The following TRIM67 variants were observed in gnomAD, a reference collection of about 807,000 sequenced individuals.
The protein encoded by TRIM67 is tripartite motif-containing protein 67.
TRIM67 carries 39 observed loss-of-function variants against 71.0 expected under a neutral mutation model. That is an observed-to-expected ratio of 0.55 (90% confidence interval 0.43 to 0.72). TRIM67 has a LOEUF of 0.72. TRIM67 is among the 30% of genes least tolerant of loss of function. The probability of loss-of-function intolerance (pLI) is 0.00; values close to 1 mark genes in which losing one functional copy is unlikely to be tolerated. For missense variants in TRIM67, 973 were observed against 1,079.2 expected (o/e 0.90, Z 1.38); for synonymous variants, 481 against 473.9 (o/e 1.01, Z -0.19).
At chr1:231,173,869 A>G (rs930304729) in intron 1 of TRIM67, among the ~76,000 whole-genome samples, 10 of 152,154 alleles carry the variant, frequency 6.6e-5, no homozygotes, top group Admixed American at 5.9e-4. Context: ...GGCCATAAAT[A>G]TGGGGACTTG....
chr1:231,197,711 G>C (rs576934689), intron 2 of TRIM67, among the ~76,000 whole-genome samples: 13 of 152,318 alleles, frequency 8.5e-5, no homozygotes, highest in Admixed American at 2.0e-4. Context: ...TGTAATCCCA[G>C]CTACTCTGGA....
chr1:231,194,614 C>G (rs1466075501), intron 1 of TRIM67, among the ~76,000 whole-genome samples: 3 of 152,302 alleles, frequency 2.0e-5, no homozygotes, highest in African/African-American at 7.2e-5. Flanking sequence ...TCATTGGCTA[C>G]AGATGACAAC....
chr1:231,193,056 T>C lies in TRIM67; in HGVS notation c.1045-4315T>C, dbSNP rs1319093816. ...GCTGGGACAGAGCCGTCCTGGCCCC[T>C]GGTACTGGGCAGATGGTGCGTGACC... On this transcript the variant is annotated intron_variant, in intron 1 of 9. Coordinates refer to ENST00000366653, the MANE Select transcript of TRIM67 (RefSeq NM_001004342.5). 5.9e-5 allele frequency among the ~76,000 whole-genome samples: 9 copies of C among 152,278 alleles called. No homozygotes were observed. The South Asian group carries it at 1.0e-3, about 18-fold the overall frequency.
intron 7 of TRIM67, among the ~76,000 whole-genome samples, chr1:231,208,016 T>A (rs889170406): frequency 6.9e-6 from 1 of 144,592 alleles, no homozygotes; most frequent in Admixed American, 6.8e-5. Flanking sequence ...GTACTTTTTT[T>A]TTTTTTTTTT....
intron 2 of TRIM67, 62 bp downstream of exon 2, chr1:231,197,528 G>T: frequency 6.6e-7 from 1 of 1,508,430 alleles, no homozygotes; most frequent in Non-Finnish European, 9.2e-7. Flanking sequence ...GTTGTGCATC[G>T]TATTAAGAAG....
intron 1 of TRIM67, among the ~76,000 whole-genome samples, chr1:231,194,250 T>C (rs1558300571): frequency 6.6e-6 from 1 of 152,178 alleles, no homozygotes; most frequent in Non-Finnish European, 1.5e-5. Context: ...CTGTCCCTGA[T>C]AAACTTCAAC....
In TRIM67 at chr1:231,164,016, G is replaced by A; in HGVS notation, c.1044+3G>A. On this transcript the variant is annotated splice_donor_region_variant and intron_variant, in intron 1 of 9. Coordinates refer to ENST00000366653, the MANE Select transcript of TRIM67 (RefSeq NM_001004342.5). ...GGGCCATGTGGAAGCAGCACAAGGT[G>A]AGCCCGCGGGACGCGGGAGTGCAGG... The A allele has an allele frequency of 6.6e-7, 1 of 1,510,216 alleles. No homozygotes were observed. The highest frequency in any genetic ancestry group is 8.9e-7 in the Non-Finnish European group (1 of 1,121,998). 93.6% of individuals were successfully genotyped at this position (1,510,216 alleles called of 1,614,324 possible). A position where few individuals can be genotyped will look rare whatever the true frequency, so the allele number is the denominator to read the frequency against.
Position 231,208,987 on chromosome 1 carries a change from C to T in TRIM67, c.1860C>T (p.Asp620=). 2 of 1,606,118 alleles carry T rather than the reference C, an allele frequency of 1.2e-6. No individual in the cohort carries two copies. Among genetic ancestry groups the T allele is most frequent in the Non-Finnish European group, 1.7e-6 (2 of 1,174,038 alleles). The change falls in exon 8 of 10, where the codon GAC becomes GAT. Residue 620 remains aspartate (D), a synonymous_variant. Coordinates refer to ENST00000366653, the MANE Select transcript of TRIM67 (RefSeq NM_001004342.5). Reference sequence around the variant, plus strand: ...TTGACCCCAACTCTGGGCATCGGGACATCATTTTATCCAATGACAACCAGA... The same window carrying T: ...TTGACCCCAACTCTGGGCATCGGGATATCATTTTATCCAATGACAACCAGA... ...FTFDPNSGHR[D]IILSNDNQTA...
chr1:231,168,132 T>G (rs1014087004), intron 1 of TRIM67, among the ~76,000 whole-genome samples: 1 of 152,036 alleles, frequency 6.6e-6, no homozygotes, highest in African/African-American at 2.4e-5. Flanking sequence ...GCCTGGCTAA[T>G]TTTAAAATTT....
At position 231,193,523 on chromosome 1, in the gene TRIM67, T is replaced by TCTCTCTCTCC. The variant is rs1553325697; in HGVS notation, c.1045-3839_1045-3838insCCTCTCTCTC. Reference sequence around the variant, plus strand: ...CTCAAGCTCTCTCTCTCTCTCTCTCTCTCTCTCTCTCTCTCTCTCTCTCTC... The same window carrying TCTCTCTCTCC: ...CTCAAGCTCTCTCTCTCTCTCTCTCTCTCTCTCTCCCTCTCTCTCTCTCTCTCTCTCTCTC... On this transcript the variant is annotated intron_variant, in intron 1 of 9. Coordinates refer to ENST00000366653, the MANE Select transcript of TRIM67 (RefSeq NM_001004342.5). Among the ~76,000 whole-genome samples the TCTCTCTCTCC allele has an allele frequency of 3.4e-4, 51 of 150,656 alleles. 1 individual carries two copies. In the East Asian group the frequency reaches 9.9e-3, roughly 29 times the overall value.
At chr1:231,196,060 A>C (rs1202031344) in intron 1 of TRIM67, among the ~76,000 whole-genome samples, 2 of 152,150 alleles carry the variant, frequency 1.3e-5, no homozygotes, top group Non-Finnish European at 2.9e-5. Flanking sequence ...CTTGTCCTTC[A>C]TTCTAGGACA....
At chr1:231,172,732 C>A (rs1460645442) in intron 1 of TRIM67, among the ~76,000 whole-genome samples, 3 of 152,208 alleles carry the variant, frequency 2.0e-5, no homozygotes, top group Admixed American at 6.5e-5. Context: ...GAAATTTAGA[C>A]ACATACTTGT....
intron 1 of TRIM67, among the ~76,000 whole-genome samples, chr1:231,181,268 G>A (rs1682899117): frequency 6.6e-6 from 1 of 152,186 alleles, no homozygotes; most frequent in Non-Finnish European, 1.5e-5. Flanking sequence ...CTGGCCAGGA[G>A]AAGTCTTAAG....
chr1:231,219,444 T>A lies in TRIM67; in HGVS notation c.*4004T>A. The A allele has an allele frequency of 9.6e-7, 1 of 1,042,016 alleles. No individual in the cohort carries two copies. The highest frequency in any genetic ancestry group is 3.4e-5 in the South Asian group (1 of 29,414). The allele number at this position is 1,042,016 out of a possible 1,614,324, so 64.5% of individuals were successfully genotyped here. On this transcript the variant is annotated 3_prime_UTR_variant, in exon 10 of 10. Transcript: ENST00000366653. ...CTTTGTTCCATAGAAAGCCTGTATG[T>A]GACAAAGCTGCCAGCCTTTATCTTG...
chr1:231,217,658 A>G lies in TRIM67; in HGVS notation c.*2218A>G. ...CTAGGCAGGGCTGCCTGGTGACAGC[A>G]GCTTCTCACAGGGGAGCCCTGGGGA... is the stretch of plus-strand genomic sequence containing the variant. On this transcript the variant is annotated 3_prime_UTR_variant, in exon 10 of 10. Coordinates refer to ENST00000366653, the MANE Select transcript of TRIM67 (RefSeq NM_001004342.5). 8.6e-7 allele frequency: 1 copy of G among 1,162,094 alleles called. No homozygotes were observed. The highest frequency in any genetic ancestry group is 1.1e-6 in the Non-Finnish European group (1 of 926,074). 72.0% of individuals were successfully genotyped at this position (1,162,094 alleles called of 1,614,324 possible). A position where few individuals can be genotyped will look rare whatever the true frequency, so the allele number is the denominator to read the frequency against.
intron 1 of TRIM67, among the ~76,000 whole-genome samples, chr1:231,192,910 C>A (rs1216895167): frequency 6.6e-6 from 1 of 152,258 alleles, no homozygotes; most frequent in Non-Finnish European, 1.5e-5. Context: ...CCTGCGGTCA[C>A]GGGTCTCCTT....
intron 5 of TRIM67, among the ~76,000 whole-genome samples, chr1:231,202,274 GAGGAGGAGGTGGAGGCAGT>G (rs1683574718): frequency 8.3e-6 from 1 of 120,788 alleles, no homozygotes; most frequent in African/African-American, 3.3e-5. Context: ...GGTGGCGGAG[GAGGAGGAGGTGGAGGCAGT>G]AGTGGTGGTG....
At chr1:231,165,704 G>C (rs1239141005) in intron 1 of TRIM67, among the ~76,000 whole-genome samples, 3 of 152,142 alleles carry the variant, frequency 2.0e-5, no homozygotes, top group African/African-American at 7.2e-5. Flanking sequence ...AGTAATTGTA[G>C]CTATCTTGCT....
At position 231,206,574 on chromosome 1, in the gene TRIM67, G is replaced by A. The variant is rs1683704223; in HGVS notation, c.1681-78G>A. On this transcript the variant is annotated intron_variant, in intron 6 of 9. Transcript: ENST00000366653. ...TGGCAACAGCACTTTTAATGTCAAT[G>A]TGTTTCCAGAAGCCATTTGCTAAGA... 9 of 1,399,622 alleles carry A rather than the reference G, an allele frequency of 6.4e-6. No individual in the cohort carries two copies. The African/African-American group carries it at 7.3e-5, about 11-fold the overall frequency. 86.7% of individuals were successfully genotyped at this position (1,399,622 alleles called of 1,614,324 possible). A position where few individuals can be genotyped will look rare whatever the true frequency, so the allele number is the denominator to read the frequency against.
Sources: gnomAD v4.1 joint callset for allele counts (sites outside exome capture counted in the v4.1 genomes callset) on GRCh38, gnomAD v4.1.1 for gene constraint, MANE v1.5 for transcripts, NCBI Gene and HGNC (gene_info 2026-07-23, HGNC 2026-07-21) for gene names.